The following YAP1 variants were observed in gnomAD, a reference collection of about 807,000 sequenced individuals.
YAP1 encodes the protein Yes1 associated transcriptional regulator.
In YAP1, 5 loss-of-function variants were observed where a neutral mutation model predicts 56.9. The ratio of observed to expected loss-of-function variants is 0.09; its 90% CI spans 0.05 to 0.18. YAP1 has a LOEUF of 0.18. YAP1 is among the 10% of genes least tolerant of loss of function. The probability of loss-of-function intolerance (pLI) is 1.00; values close to 1 mark genes in which losing one functional copy is unlikely to be tolerated. For synonymous variants in YAP1, 265 were observed against 248.1 expected (o/e 1.07, Z -0.64); for missense variants, 539 against 651.8 (o/e 0.83, Z 1.88).
At chr11:102,167,602 T>A (rs1336486007) in intron 3 of YAP1, among the ~76,000 whole-genome samples, 1 of 152,098 alleles carries the variant, frequency 6.6e-6, no homozygotes, top group Admixed American at 6.5e-5. Flanking sequence ...GCATTGGTGG[T>A]GCACGCCTGT....
rs1042145779 is a variant in YAP1, at chr11:102,110,789, G to A, written c.-60G>A. 1.3e-5 allele frequency: 17 copies of A among 1,272,338 alleles called. No homozygotes were observed. The highest frequency in any genetic ancestry group is 1.7e-5 in the Non-Finnish European group (17 of 1,011,352). The allele number at this position is 1,272,338 out of a possible 1,614,324, so 78.8% of individuals were successfully genotyped here. ...CCACCTCGGCCCGTGGAGCCGGGGC[G>A]TCCGGGCGTAGCCCTCGCTCGCCTG... On this transcript the variant is annotated 5_prime_UTR_variant, in exon 1 of 9. Transcript: ENST00000282441.
At chr11:102,176,842 C>T (rs1001170971) in intron 3 of YAP1, among the ~76,000 whole-genome samples, 2 of 142,994 alleles carry the variant, frequency 1.4e-5, no homozygotes, top group Non-Finnish European at 3.0e-5. Flanking sequence ...GGTGGACATA[C>T]TGAGAATGTA....
At chr11:102,172,475 CGT>C (rs1203299736) in intron 3 of YAP1, among the ~76,000 whole-genome samples, 3,344 of 106,130 alleles carry the variant, frequency 0.032, 296 homozygotes, top group African/African-American at 0.12. Flanking sequence ...CCATGCACAG[CGT>C]TTTTTTTTTT....
chr11:102,189,086 A>G (rs1445723813), intron 4 of YAP1, among the ~76,000 whole-genome samples: 1 of 151,932 alleles, frequency 6.6e-6, no homozygotes, highest in Non-Finnish European at 1.5e-5. Context: ...TTTTTTAAGG[A>G]GTCATATTAG....
chr11:102,192,694 G>A (rs1005562794), intron 4 of YAP1, among the ~76,000 whole-genome samples: 2 of 152,210 alleles, frequency 1.3e-5, no homozygotes, highest in African/African-American at 4.8e-5. Context: ...AATATGCTCA[G>A]TAACTGCTTT....
chr11:102,189,715 C>T (rs1025916849), intron 4 of YAP1, among the ~76,000 whole-genome samples: 1 of 152,064 alleles, frequency 6.6e-6, no homozygotes, highest in African/African-American at 2.4e-5. Context: ...GCTTTCTGTG[C>T]ATTTACATAC....
chr11:102,186,252 G>T, intron 4 of YAP1, 121 bp downstream of exon 4: 3 of 1,094,376 alleles, frequency 2.7e-6, no homozygotes, highest in Non-Finnish European at 3.9e-6. Flanking sequence ...AAATGACCCT[G>T]CCCACCCAAT....
rs774791600 is a variant in YAP1 at position 102,111,061 on chromosome 11, C to T, written c.213C>T (p.Ala71=). Reference sequence around the variant, plus strand: ...CCGACCTGGAGGCGCTCTTCAACGCCGTCATGAACCCCAAGACGGCCAACG... The same window carrying T: ...CCGACCTGGAGGCGCTCTTCAACGCTGTCATGAACCCCAAGACGGCCAACG... ...SETDLEALFN[A]VMNPKTANVP... Residue 71 remains alanine, a synonymous_variant, in exon 1 of 9, where the codon GCC becomes GCT. Transcript: ENST00000282441. 3.1e-6 allele frequency: 5 copies of T among 1,613,260 alleles called. No individual in the cohort carries two copies. The highest frequency in any genetic ancestry group is 4.2e-6 in the Non-Finnish European group (5 of 1,179,802).
chr11:102,174,928 T>C (rs182420980), intron 3 of YAP1, among the ~76,000 whole-genome samples: 11 of 152,270 alleles, frequency 7.2e-5, no homozygotes, highest in African/African-American at 2.6e-4. Context: ...TAAGCCTTCA[T>C]ATGTATGGTC....
chr11:102,136,711 A>G (rs977091712), intron 2 of YAP1, among the ~76,000 whole-genome samples: 6 of 152,146 alleles, frequency 3.9e-5, no homozygotes, highest in African/African-American at 1.4e-4. Flanking sequence ...AGAATTGACT[A>G]TGTATATATG....
At chr11:102,157,547 A>G (rs1050872004) in intron 2 of YAP1, among the ~76,000 whole-genome samples, 1 of 151,968 alleles carries the variant, frequency 6.6e-6, no homozygotes, top group Non-Finnish European at 1.5e-5. Context: ...CATTCTTCAC[A>G]CCGTTTTGTA....
Position 102,184,936 on chromosome 11 carries a change from T to A in YAP1, c.689-1082T>A, listed in dbSNP as rs541131316. The stretch of plus-strand genomic sequence containing the variant: ...TCAACCTGGCACTTTGTGCCTCAGT[T>A]TCCTCATTAGAATAAGTAGTACTAC... On this transcript the variant is annotated intron_variant, in intron 3 of 8. Transcript: ENST00000282441. Among the ~76,000 whole-genome samples the A allele has an allele frequency of 2.0e-5, 3 of 152,358 alleles. 1 individual carries two copies. The South Asian group carries it at 6.2e-4, about 32-fold the overall frequency.
chr11:102,218,425 G>C (rs1949764839), intron 6 of YAP1, among the ~76,000 whole-genome samples: 1 of 152,178 alleles, frequency 6.6e-6, no homozygotes, highest in Admixed American at 6.5e-5. Flanking sequence ...TCTGTATTGG[G>C]AATAATGGCA....
intron 7 of YAP1, among the ~76,000 whole-genome samples, chr11:102,225,994 C>T (rs1360193677): frequency 6.6e-6 from 1 of 152,172 alleles, no homozygotes; most frequent in Non-Finnish European, 1.5e-5. Context: ...AAACTCTGTC[C>T]TCAGGAATGC....
In YAP1 at chr11:102,230,240, TGCC is replaced by T. The variant is rs771420860; in HGVS notation, c.*301_*303del. ...GAAGTGAGCCTGTTTGGATGATGGA[TGCC>T]ATTCCTTTTGCCCAGTTAAATGTTC... On this transcript the variant is annotated 3_prime_UTR_variant, in exon 9 of 9. Coordinates refer to ENST00000282441, the MANE Select transcript of YAP1 (RefSeq NM_001130145.3). The T allele has an allele frequency of 8.0e-5, 20 of 250,546 alleles. No individual in the cohort carries two copies. Among genetic ancestry groups the T allele is most frequent in the Non-Finnish European group, 1.5e-4 (19 of 128,928 alleles). The allele number at this position is 250,546 out of a possible 1,614,324, so 15.5% of individuals were successfully genotyped here.
At chr11:102,150,611 T>A (rs1312365540) in intron 2 of YAP1, among the ~76,000 whole-genome samples, 1 of 152,164 alleles carries the variant, frequency 6.6e-6, no homozygotes, top group African/African-American at 2.4e-5. Flanking sequence ...CTACTCATTT[T>A]TTAGCCCCCA....
At chr11:102,158,263 A>T (rs907845868) in intron 2 of YAP1, among the ~76,000 whole-genome samples, 7 of 152,252 alleles carry the variant, frequency 4.6e-5, no homozygotes, top group South Asian at 4.1e-4. Context: ...CTAGTTCTAG[A>T]TTTTAACCAA....
chr11:102,197,220 A>G (rs913182513), intron 4 of YAP1, among the ~76,000 whole-genome samples: 1 of 152,252 alleles, frequency 6.6e-6, no homozygotes, highest in African/African-American at 2.4e-5. Flanking sequence ...TAATATAGCT[A>G]TGCTAATATG....
intron 6 of YAP1, among the ~76,000 whole-genome samples, chr11:102,210,620 C>T (rs369903201): frequency 1.3e-5 from 2 of 152,212 alleles, no homozygotes; most frequent in African/African-American, 4.8e-5. Flanking sequence ...CATAGACATT[C>T]TTATGATGAG....
Sources: gnomAD v4.1 joint callset for allele counts (sites outside exome capture counted in the v4.1 genomes callset) on GRCh38, gnomAD v4.1.1 for gene constraint, MANE v1.5 for transcripts, NCBI Gene and HGNC (gene_info 2026-07-23, HGNC 2026-07-21) for gene names.